The following ANKMY2 variants were observed in gnomAD, a reference collection of about 807,000 sequenced individuals.
The protein encoded by ANKMY2 is ankyrin repeat and MYND domain containing 2, also known as ankyrin repeat and MYND domain-containing protein 2.
Under a neutral mutation model 50.4 loss-of-function variants are expected in ANKMY2, and 36 were observed. The observed-to-expected ratio is 0.71, with a 90% CI of 0.55 to 0.94. The LOEUF is 0.94. Among genes scored for constraint, ANKMY2 ranks in the 40% least tolerant of loss-of-function variants. The pLI, the probability that ANKMY2 is intolerant of heterozygous loss-of-function variation, is 0.00. For synonymous variants in ANKMY2, 187 were observed against 178.8 expected (o/e 1.05, Z -0.36); for missense variants, 565 against 524.0 (o/e 1.08, Z -0.76).
chr7:16,616,910 C>G (rs919767061), intron 4 of ANKMY2, among the ~76,000 whole-genome samples: 8 of 152,216 alleles, frequency 5.3e-5, no homozygotes, highest in Non-Finnish European at 7.3e-5. Context: ...TGTGGGCCAG[C>G]TGGACGCTGG....
intron 5 of ANKMY2, among the ~76,000 whole-genome samples, chr7:16,615,097 T>C (rs906165744): frequency 1.3e-5 from 2 of 152,236 alleles, no homozygotes; most frequent in African/African-American, 4.8e-5. Context: ...TGTTGGCCTA[T>C]GAAATTTGAA....
At chr7:16,617,669 A>AAC (rs1781375713) in intron 4 of ANKMY2, among the ~76,000 whole-genome samples, 2 of 152,200 alleles carry the variant, frequency 1.3e-5, no homozygotes, top group Non-Finnish European at 2.9e-5. Flanking sequence ...CTAAACTAGT[A>AAC]ACACAGAGGA....
intron 2 of ANKMY2, among the ~76,000 whole-genome samples, chr7:16,635,331 T>G (rs1781642601): frequency 6.6e-6 from 1 of 152,180 alleles, no homozygotes; most frequent in African/African-American, 2.4e-5. Context: ...AGCAAATTAA[T>G]GCTTTTTGCA....
chr7:16,645,722 C>A lies in ANKMY2; in HGVS notation c.-149G>T. Reference sequence around the variant, plus strand: ...GCGGAAACGCTTCGCTTCTCTCCTCCCTCCCGCGGGCTGGCGGACAGCGGG... The same window carrying A: ...GCGGAAACGCTTCGCTTCTCTCCTCACTCCCGCGGGCTGGCGGACAGCGGG... On this transcript the variant is annotated 5_prime_UTR_variant, in exon 1 of 10. Coordinates refer to ENST00000306999, the MANE Select transcript of ANKMY2 (RefSeq NM_020319.3). 1 of 864,166 alleles carries A rather than the reference C, an allele frequency of 1.2e-6. No individual in the cohort carries two copies. Among genetic ancestry groups the A allele is most frequent in the Non-Finnish European group, 1.7e-6 (1 of 600,902 alleles). The allele number at this position is 864,166 out of a possible 1,614,324, so 53.5% of individuals were successfully genotyped here.
intron 4 of ANKMY2, among the ~76,000 whole-genome samples, chr7:16,620,376 G>A (rs767301270): frequency 6.6e-6 from 1 of 151,788 alleles, no homozygotes; most frequent in African/African-American, 2.4e-5. Context: ...CACAGCTACA[G>A]GTATGATTGG....
chr7:16,637,798 T>C (rs915705838), intron 1 of ANKMY2, among the ~76,000 whole-genome samples: 7 of 152,238 alleles, frequency 4.6e-5, no homozygotes, highest in Non-Finnish European at 8.8e-5. Context: ...AATCCCATTC[T>C]CTACTGAGAA....
intron 4 of ANKMY2, 135 bp from the exon 5 acceptor site, chr7:16,616,039 A>C: frequency 1.4e-6 from 1 of 699,894 alleles, no homozygotes; most frequent in East Asian, 2.9e-5. Context: ...AGGAGAGTAG[A>C]GGAGGAGGAG....
chr7:16,610,965 T>C (rs562988608), intron 5 of ANKMY2, among the ~76,000 whole-genome samples: 20 of 152,356 alleles, frequency 1.3e-4, no homozygotes, highest in African/African-American at 4.6e-4. Flanking sequence ...TGGAATCTCT[T>C]GAACTCTGTA....
intron 5 of ANKMY2, among the ~76,000 whole-genome samples, chr7:16,611,693 T>C (rs1781256187): frequency 6.6e-6 from 1 of 152,198 alleles, no homozygotes; most frequent in African/African-American, 2.4e-5. Context: ...TGAACCGGAT[T>C]GAGAACTTGT....
chr7:16,604,598 T>A, intron 8 of ANKMY2, 123 bp downstream of exon 8: 1 of 1,291,224 alleles, frequency 7.7e-7, no homozygotes. Context: ...TTAAATAGAA[T>A]ATTTTCGTTA....
chr7:16,635,992 C>T (rs1781653366), intron 2 of ANKMY2, among the ~76,000 whole-genome samples: 1 of 151,848 alleles, frequency 6.6e-6, no homozygotes, highest in Non-Finnish European at 1.5e-5. Context: ...AGCAAAAATG[C>T]TAGAAAAAAA....
chr7:16,610,141 T>G (rs551212666), intron 6 of ANKMY2, among the ~76,000 whole-genome samples: 1 of 152,146 alleles, frequency 6.6e-6, no homozygotes, highest in Admixed American at 6.5e-5. Context: ...TCTCTGGTGG[T>G]CAGAGAAGCA....
rs138555100 is a variant in ANKMY2 at position 16,636,353 on chromosome 7, A to AG, written c.132+37dup. On this transcript the variant is annotated intron_variant, in intron 2 of 9. Transcript: ENST00000306999. ...AAAAGGATATATTATCTCTTCTTAT[A>AG]GGAAGTAAAATCCTTTATTAAACTT... 5.9e-3 allele frequency: 4,824 copies of AG among 820,602 alleles called. 179 individuals carry two copies. In the African/African-American group the frequency reaches 0.077, roughly 13 times the overall value. The allele number at this position is 820,602 out of a possible 1,614,324, so 50.8% of individuals were successfully genotyped here.
At chr7:16,643,177 AG>A (rs1402028554) in intron 1 of ANKMY2, among the ~76,000 whole-genome samples, 1 of 152,232 alleles carries the variant, frequency 6.6e-6, no homozygotes, top group East Asian at 1.9e-4. Flanking sequence ...GCTCAGGAAA[AG>A]TCACTTGCCC....
intron 4 of ANKMY2, among the ~76,000 whole-genome samples, chr7:16,617,453 C>T (rs747157255): frequency 5.9e-5 from 9 of 152,188 alleles, no homozygotes; most frequent in Admixed American, 1.3e-4. Flanking sequence ...CTGAAGACTA[C>T]GCCATGCCTC....
chr7:16,635,057 C>T (rs1322980529), intron 2 of ANKMY2, among the ~76,000 whole-genome samples: 1 of 152,092 alleles, frequency 6.6e-6, no homozygotes, highest in East Asian at 1.9e-4. Context: ...AACATTTGTA[C>T]ATAAATGTTC....
At chr7:16,601,706 T>A (rs1781065937) in intron 9 of ANKMY2, among the ~76,000 whole-genome samples, 1 of 152,166 alleles carries the variant, frequency 6.6e-6, no homozygotes, top group Non-Finnish European at 1.5e-5. Context: ...CTTTTTCAAA[T>A]TACATGCACT....
intron 5 of ANKMY2, among the ~76,000 whole-genome samples, chr7:16,611,185 C>T (rs189591740): frequency 1.3e-5 from 2 of 152,322 alleles, no homozygotes; most frequent in African/African-American, 4.8e-5. Context: ...GCTAGGAGAA[C>T]TACAATTCTC....
At chr7:16,631,577 A>T (rs1781584608) in intron 2 of ANKMY2, among the ~76,000 whole-genome samples, 1 of 151,354 alleles carries the variant, frequency 6.6e-6, no homozygotes, top group African/African-American at 2.4e-5. Context: ...ATTTTCCTTA[A>T]TTATTGATTA....
Sources: allele counts gnomAD v4.1 joint callset (sites outside exome capture counted in the v4.1 genomes callset), GRCh38; gene constraint gnomAD v4.1.1; transcripts MANE v1.5; gene names NCBI Gene and HGNC (gene_info 2026-07-23, HGNC 2026-07-21).